OR3A2: variants seen among roughly 807,000 people sequenced by gnomAD.
OR3A2 encodes the protein olfactory receptor family 3 subfamily A member 2, also known as olfactory receptor 3A2.
For synonymous variants in OR3A2, 126 were observed against 159.3 expected (o/e 0.79, Z 1.57); for missense variants, 318 against 392.8 (o/e 0.81, Z 1.61).
chr17:3,307,856 G>A (rs1281319915), intron 3 of OR3A2, among the ~76,000 whole-genome samples: 2 of 152,216 alleles, frequency 1.3e-5, no homozygotes, highest in African/African-American at 4.8e-5. Flanking sequence ...CATGCTGCAG[G>A]CCAGGTGAGA....
intron 2 of OR3A2, among the ~76,000 whole-genome samples, chr17:3,336,444 T>C (rs1313103215): frequency 6.6e-6 from 1 of 152,194 alleles, no homozygotes; most frequent in Non-Finnish European, 1.5e-5. Flanking sequence ...TATATTTATA[T>C]AAACTTTATG....
Position 3,359,104 on chromosome 17 carries a change from T to A in OR3A2, c.-178-22978A>T, listed in dbSNP as rs964679850. ...TGTCTGAAATTAGGATTGCAACCCC[T>A]GCTTCCTTTTTTCTATTTGCTGGGT... On this transcript the variant is annotated intron_variant, in intron 2 of 4. Coordinates refer to the OR3A2 transcript ENST00000573491. Among the ~76,000 whole-genome samples, 3 of 151,848 alleles carry A rather than the reference T, an allele frequency of 2.0e-5. 1 individual carries two copies. Among genetic ancestry groups the A allele is most frequent in the African/African-American group, 7.3e-5 (3 of 41,122 alleles).
intron 3 of OR3A2, among the ~76,000 whole-genome samples, chr17:3,314,414 A>G (rs1597334763): frequency 6.6e-6 from 1 of 152,228 alleles, no homozygotes; most frequent in African/African-American, 2.4e-5. Flanking sequence ...TAAAAAGCAT[A>G]TATTTGTTTA....
At chr17:3,367,601 G>GTGTGTGTGTATATATATATATATATATA in intron 2 of OR3A2, among the ~76,000 whole-genome samples, 1 of 122,538 alleles carries the variant, frequency 8.2e-6, no homozygotes, top group African/African-American at 3.6e-5. Context: ...GTGTGTGTGT[G>GTGTGTGTGTATATATATATATATATATA]TATATATATA....
rs907481378 is a variant in OR3A2 at position 3,357,859 on chromosome 17, G to T, written c.-178-21733C>A. Reference sequence around the variant, plus strand: ...GTGAGCTGCCACTGCTGGGAAAAATGGTGTATTTTATGTTATGTATGTTTT... The same window carrying T: ...GTGAGCTGCCACTGCTGGGAAAAATTGTGTATTTTATGTTATGTATGTTTT... On this transcript the variant is annotated intron_variant, in intron 2 of 4. Transcript: ENST00000573491. Among the ~76,000 whole-genome samples, 5 of 122,414 alleles carry T rather than the reference G, an allele frequency of 4.1e-5. 1 individual carries two copies. The highest frequency in any genetic ancestry group is 1.5e-4 in the African/African-American group (5 of 33,992). 80.3% of individuals were successfully genotyped at this position (122,414 alleles called of 152,430 possible).
intron 3 of OR3A2, among the ~76,000 whole-genome samples, chr17:3,314,598 TG>T (rs1437201651): frequency 6.6e-6 from 1 of 152,058 alleles, no homozygotes; most frequent in Admixed American, 6.6e-5. Flanking sequence ...CAGTGGAAAA[TG>T]GGGAATGACT....
At chr17:3,324,881 TTAAG>T (rs1284800568) in intron 3 of OR3A2, among the ~76,000 whole-genome samples, 3 of 152,086 alleles carry the variant, frequency 2.0e-5, no homozygotes, top group African/African-American at 7.3e-5. Context: ...AATGCATGTA[TTAAG>T]TATTTGTCAT....
chr17:3,279,571 A>G (rs865852670), intron 1 of OR3A2, among the ~76,000 whole-genome samples: 1 of 152,228 alleles, frequency 6.6e-6, no homozygotes, highest in South Asian at 2.1e-4. Flanking sequence ...AGGCGGGTGC[A>G]TCATCTGAGA....
At chr17:3,329,407 C>A (rs2150640983) in intron 3 of OR3A2, among the ~76,000 whole-genome samples, 1 of 150,392 alleles carries the variant, frequency 6.6e-6, no homozygotes, top group East Asian at 1.9e-4. Context: ...TTGGTCTATT[C>A]AGAGATTCAA....
At chr17:3,376,516 C>T (rs1029647543) in intron 2 of OR3A2, among the ~76,000 whole-genome samples, 5 of 152,078 alleles carry the variant, frequency 3.3e-5, no homozygotes, top group Admixed American at 2.6e-4. Flanking sequence ...GTTATGTTCC[C>T]AGGGGGAATA....
intron 1 of OR3A2, among the ~76,000 whole-genome samples, chr17:3,283,680 C>T (rs2625465): frequency 6.6e-6 from 1 of 152,190 alleles, no homozygotes; most frequent in Non-Finnish European, 1.5e-5. Flanking sequence ...GGGTTCAAGG[C>T]TGTGGCAGGG....
intron 1 of OR3A2, among the ~76,000 whole-genome samples, chr17:3,384,810 G>A (rs369244809): frequency 1.4e-4 from 22 of 152,156 alleles, no homozygotes; most frequent in African/African-American, 5.3e-4. Flanking sequence ...GGCTGCTTTT[G>A]CACTGCAACT....
intron 1 of OR3A2, among the ~76,000 whole-genome samples, chr17:3,281,448 A>G (rs1275604918): frequency 1.3e-5 from 2 of 152,012 alleles, no homozygotes; most frequent in African/African-American, 2.4e-5. Context: ...GTTGGCCAGG[A>G]TGGTGTCGAT....
chr17:3,360,910 T>G lies in OR3A2; in HGVS notation c.-179+22894A>C, dbSNP rs987573061. 7.2e-5 allele frequency among the ~76,000 whole-genome samples: 11 copies of G among 151,838 alleles called. 1 individual carries two copies. Among genetic ancestry groups the G allele is most frequent in the Middle Eastern group, 3.4e-3 (1 of 294 alleles). ...TAACTTGGCGATCTGGGCTCCTTTT[T>G]GGCTCCATATGAACTTTAAAGTAGT... On this transcript the variant is annotated intron_variant, in intron 2 of 4. Transcript: ENST00000573491.
intron 3 of OR3A2, chr17:3,292,675 G>A: frequency 1.7e-6 from 2 of 1,144,534 alleles, no homozygotes; most frequent in Non-Finnish European, 1.2e-6. Context: ...CCTTCTACTT[G>A]CCCGGCCCTC....
intron 2 of OR3A2, among the ~76,000 whole-genome samples, chr17:3,372,472 C>A (rs1450789693): frequency 6.6e-6 from 1 of 151,850 alleles, no homozygotes; most frequent in Non-Finnish European, 1.5e-5. Context: ...CCAAGGCAGG[C>A]GGCTGGGAGG....
At chr17:3,308,905 G>GTATTTTATTTTATTT (rs6145955) in intron 3 of OR3A2, among the ~76,000 whole-genome samples, 96 of 150,618 alleles carry the variant, frequency 6.4e-4, no homozygotes, top group African/African-American at 2.2e-3. Context: ...GGATCACTGA[G>GTATTTTATTTTATTT]TATTTTATTT....
At chr17:3,292,151 C>G (rs368406160) in intron 3 of OR3A2, 15 of 1,614,164 alleles carry the variant, frequency 9.3e-6, no homozygotes, top group Admixed American at 1.7e-5. Flanking sequence ...CCAACATCCT[C>G]TGGACTGTCT....
intron 2 of OR3A2, among the ~76,000 whole-genome samples, chr17:3,340,293 T>C (rs550552230): frequency 9.8e-5 from 15 of 152,312 alleles, no homozygotes; most frequent in African/African-American, 2.4e-4. Flanking sequence ...TTTTAGTTAT[T>C]TCTTGCCTTC....
Sources: allele counts gnomAD v4.1 joint callset (sites outside exome capture counted in the v4.1 genomes callset), GRCh38; gene constraint gnomAD v4.1.1; transcripts MANE v1.5; gene names NCBI Gene and HGNC (gene_info 2026-07-23, HGNC 2026-07-21).